The following SLC4A5 variants were observed in gnomAD, a reference collection of about 807,000 sequenced individuals.
SLC4A5 encodes solute carrier family 4 member 5.
SLC4A5 carries 96 observed loss-of-function variants against 120.4 expected under a neutral mutation model. That is an observed-to-expected ratio of 0.80 (90% CI 0.68 to 0.94). The LOEUF (loss-of-function observed/expected upper bound fraction) is 0.94, where lower values mean the gene tolerates loss of function less well. SLC4A5 is among the 40% of genes least tolerant of loss of function. The pLI, the probability that SLC4A5 is intolerant of heterozygous loss-of-function variation, is 0.00. For missense variants in SLC4A5, 1,259 were observed against 1,459.5 expected, an observed-to-expected ratio of 0.86 and a Z score of 2.24; for synonymous variants, 550 against 571.1, an observed-to-expected ratio of 0.96 and a Z score of 0.53.
chr2:74,251,506 T>C (rs1573027165), intron 16 of SLC4A5, among the ~76,000 whole-genome samples: 2 of 152,146 alleles, frequency 1.3e-5, no homozygotes, highest in East Asian at 3.8e-4. Flanking sequence ...TAAATTAAGT[T>C]TTAAAAAAGG....
intron 3 of SLC4A5, among the ~76,000 whole-genome samples, chr2:74,334,940 G>A (rs1052088776): frequency 1.3e-5 from 2 of 152,068 alleles, no homozygotes; most frequent in African/African-American, 2.4e-5. Flanking sequence ...GGAGGGGGAT[G>A]AGCAGTATTC....
intron 29 of SLC4A5, 152 bp downstream of exon 29, chr2:74,222,716 C>A: frequency 1.5e-6 from 1 of 686,048 alleles, no homozygotes; most frequent in South Asian, 1.7e-5. Context: ...AACTATCTTG[C>A]ACAAAACTTG....
chr2:74,325,499 A>G (rs1673197158), intron 5 of SLC4A5, among the ~76,000 whole-genome samples: 1 of 152,224 alleles, frequency 6.6e-6, no homozygotes, highest in South Asian at 2.1e-4. Context: ...GAGTCCATCC[A>G]TCTGAAGCTG....
At chr2:74,341,788 G>T (rs531984869) in intron 2 of SLC4A5, among the ~76,000 whole-genome samples, 1 of 152,360 alleles carries the variant, frequency 6.6e-6, no homozygotes, top group South Asian at 2.1e-4. Context: ...CAGAAATGAA[G>T]TAGGCATGGA....
At chr2:74,303,199 A>C (rs1672529568) in intron 7 of SLC4A5, among the ~76,000 whole-genome samples, 1 of 151,952 alleles carries the variant, frequency 6.6e-6, no homozygotes, top group Non-Finnish European at 1.5e-5. Flanking sequence ...CCATTACCCC[A>C]TCTCCTACAA....
intron 16 of SLC4A5, among the ~76,000 whole-genome samples, chr2:74,251,616 G>A (rs1670792264): frequency 1.3e-5 from 2 of 152,180 alleles, no homozygotes; most frequent in Admixed American, 1.3e-4. Flanking sequence ...AGTCATTATG[G>A]TGGGCCCTAT....
chr2:74,249,737 A>G (rs1670733813), intron 17 of SLC4A5, among the ~76,000 whole-genome samples: 1 of 152,138 alleles, frequency 6.6e-6, no homozygotes, highest in South Asian at 2.1e-4. Flanking sequence ...AGGGGCAGCC[A>G]TGGGGAATCC....
intron 17 of SLC4A5, among the ~76,000 whole-genome samples, chr2:74,249,201 G>C (rs1670714147): frequency 6.6e-6 from 1 of 152,194 alleles, no homozygotes; most frequent in Non-Finnish European, 1.5e-5. Flanking sequence ...CTGGTTGAGA[G>C]CCACTGCCAA....
chr2:74,290,614 CAG>C, intron 7 of SLC4A5: 1 of 909,478 alleles, frequency 1.1e-6, no homozygotes, highest in South Asian at 5.2e-5. Flanking sequence ...GAGAGAGAGA[CAG>C]AGAAGTGAGA....
chr2:74,278,283 G>C (rs972432502), intron 8 of SLC4A5, among the ~76,000 whole-genome samples: 1 of 152,114 alleles, frequency 6.6e-6, no homozygotes, highest in African/African-American at 2.4e-5. Flanking sequence ...GAGTGCTCCA[G>C]TCCCTCCCAT....
chr2:74,224,898 T>C, exon 28 of SLC4A5: 1 of 1,613,618 alleles, frequency 6.2e-7, no homozygotes, highest in Non-Finnish European at 8.5e-7. Context: ...GTCTGTCTCC[T>C]TTTTTTCCTT....
chr2:74,248,593 C>T (rs542854517), intron 17 of SLC4A5, 107 bp from the exon 18 acceptor site: 1 of 1,351,868 alleles, frequency 7.4e-7, no homozygotes, highest in African/African-American at 1.5e-5. Flanking sequence ...CAGTGTTTAT[C>T]CTTCGTTCTG....
chr2:74,275,628 A>T (rs1469689910), intron 8 of SLC4A5, among the ~76,000 whole-genome samples: 1 of 152,220 alleles, frequency 6.6e-6, no homozygotes, highest in Non-Finnish European at 1.5e-5. Flanking sequence ...CCAAGGGCCA[A>T]GGTTGAGGAG....
At chr2:74,304,187 G>T (rs1672564598) in intron 7 of SLC4A5, among the ~76,000 whole-genome samples, 1 of 152,190 alleles carries the variant, frequency 6.6e-6, no homozygotes, top group African/African-American at 2.4e-5. Context: ...TGACCGTATG[G>T]TCCTTGGAAT....
chr2:74,337,871 C>T (rs1408086909), intron 3 of SLC4A5, among the ~76,000 whole-genome samples: 9 of 152,158 alleles, frequency 5.9e-5, no homozygotes, highest in Admixed American at 5.9e-4. Flanking sequence ...TGTGGTTATT[C>T]TGCCTAAGAT....
At chr2:74,307,558 G>C in intron 6 of SLC4A5, 1 of 653,650 alleles carries the variant, frequency 1.5e-6, no homozygotes, top group Non-Finnish European at 2.9e-6. Context: ...CTGTCGATCT[G>C]CACAATGTGG....
intron 29 of SLC4A5, among the ~76,000 whole-genome samples, chr2:74,221,941 A>C (rs369233085): frequency 1.3e-5 from 2 of 152,168 alleles, no homozygotes; most frequent in East Asian, 1.9e-4. Flanking sequence ...AGGACTGGCC[A>C]CCTATAGGGA....
chr2:74,285,673 G>A (rs3771730), intron 8 of SLC4A5, 100 bp downstream of exon 8: 68,425 of 1,417,888 alleles, frequency 0.048, 4,714 homozygotes, highest in East Asian at 0.34. Context: ...GGACCAGGAA[G>A]CTCTCAAGGT....
chr2:74,318,672 G>T (rs1254390319), intron 5 of SLC4A5, among the ~76,000 whole-genome samples: 1 of 150,390 alleles, frequency 6.6e-6, no homozygotes, highest in Non-Finnish European at 1.5e-5. Flanking sequence ...GACAGAGTGA[G>T]ACTCTGTCTC....
Sources: allele counts gnomAD v4.1 joint callset (sites outside exome capture counted in the v4.1 genomes callset), GRCh38; gene constraint gnomAD v4.1.1; transcripts MANE v1.5; gene names NCBI Gene and HGNC (gene_info 2026-07-23, HGNC 2026-07-21).